Variants in NPLOC4 observed in about 807,000 individuals in gnomAD.
NPLOC4 encodes the protein nuclear protein localization protein 4 homolog.
NPLOC4 carries 18 observed loss-of-function variants against 80.6 expected under a neutral mutation model. The observed-to-expected ratio is 0.22, with a 90% CI of 0.15 to 0.33. NPLOC4 has a LOEUF of 0.33. NPLOC4 is among the 10% of genes least tolerant of loss of function. The probability of loss-of-function intolerance (pLI) is 1.00; values close to 1 mark genes in which losing one functional copy is unlikely to be tolerated. For missense variants in NPLOC4, 540 were observed against 786.1 expected (o/e 0.69, Z 3.74); for synonymous variants, 313 against 301.5 (o/e 1.04, Z -0.39).
chr17:81,601,867 C>G (rs1240519553), intron 8 of NPLOC4, among the ~76,000 whole-genome samples: 1 of 152,206 alleles, frequency 6.6e-6, no homozygotes, highest in Non-Finnish European at 1.5e-5. Flanking sequence ...TGTACACCAG[C>G]TGTTACCCAT....
intron 12 of NPLOC4, among the ~76,000 whole-genome samples, chr17:81,587,674 GTTTT>G (rs34643456): frequency 2.1e-5 from 2 of 93,418 alleles, no homozygotes; most frequent in Non-Finnish European, 3.8e-5. Context: ...GAAAAAAGTT[GTTTT>G]TTTTTTTTTT....
At chr17:81,591,716 G>A (rs2034750098) in intron 11 of NPLOC4, among the ~76,000 whole-genome samples, 3 of 152,296 alleles carry the variant, frequency 2.0e-5, no homozygotes, top group Admixed American at 2.0e-4. Context: ...AACCCTGCCG[G>A]AATGGCTGGC....
At chr17:81,561,084 A>C (rs1240534730) in intron 16 of NPLOC4, among the ~76,000 whole-genome samples, 1 of 152,000 alleles carries the variant, frequency 6.6e-6, no homozygotes. Flanking sequence ...CAGCCTCCCA[A>C]GTAGCTAGGA....
intron 8 of NPLOC4, among the ~76,000 whole-genome samples, chr17:81,601,907 G>T (rs2035065320): frequency 6.6e-6 from 1 of 152,158 alleles, no homozygotes. Flanking sequence ...ACTCTGATCA[G>T]CAAACTCTGA....
At chr17:81,601,544 A>G (rs2035056416) in intron 8 of NPLOC4, among the ~76,000 whole-genome samples, 1 of 152,190 alleles carries the variant, frequency 6.6e-6, no homozygotes, top group South Asian at 2.1e-4. Flanking sequence ...GATGTGAGCC[A>G]CCACGGCTGG....
chr17:81,623,731 G>A (rs1674993890), intron 2 of NPLOC4, among the ~76,000 whole-genome samples: 1 of 151,576 alleles, frequency 6.6e-6, no homozygotes, highest in Non-Finnish European at 1.5e-5. Flanking sequence ...CCGGGAGGCG[G>A]AGCTTGCAGT....
At chr17:81,586,312 G>C (rs1165483030) in intron 12 of NPLOC4, among the ~76,000 whole-genome samples, 1 of 151,926 alleles carries the variant, frequency 6.6e-6, no homozygotes, top group Admixed American at 6.6e-5. Flanking sequence ...TTTGCAGCTG[G>C]GTGTGGTGTA....
intron 4 of NPLOC4, among the ~76,000 whole-genome samples, chr17:81,611,181 G>A (rs1262844422): frequency 1.3e-5 from 2 of 151,872 alleles, no homozygotes; most frequent in African/African-American, 2.4e-5. Context: ...TTAGCCGGAC[G>A]TGGTGGCAAG....
At position 81,585,666 on chromosome 17, in the gene NPLOC4, G is replaced by C. The variant is rs1015756099; in HGVS notation, c.1281+3278C>G. 4.0e-4 allele frequency among the ~76,000 whole-genome samples: 58 copies of C among 146,612 alleles called. 2 individuals are homozygous for C. Among genetic ancestry groups the C allele is most frequent in the African/African-American group, 1.3e-3 (50 of 39,480 alleles). ...ACAGAGGAAGACTCCATTTCTGGGG[G>C]GGGGGGGAAAGAAAGAAATCAGAGG... On this transcript the variant is annotated intron_variant, in intron 12 of 16. Coordinates refer to ENST00000331134, the MANE Select transcript of NPLOC4 (RefSeq NM_017921.4).
intron 13 of NPLOC4, 87 bp downstream of exon 13, chr17:81,571,930 C>T: frequency 1.1e-6 from 1 of 944,990 alleles, no homozygotes; most frequent in Non-Finnish European, 1.5e-6. Context: ...TTGCAGCCTC[C>T]TCCCTTGAGC....
chr17:81,563,436 G>A (rs1298605533), intron 16 of NPLOC4: 1 of 152,200 alleles, frequency 6.6e-6, no homozygotes, highest in Non-Finnish European at 1.5e-5. Context: ...TGGGTGTAGT[G>A]GCTCATGTTT....
chr17:81,621,380 A>G (rs1183386446), intron 3 of NPLOC4, among the ~76,000 whole-genome samples: 2 of 152,262 alleles, frequency 1.3e-5, no homozygotes, highest in Non-Finnish European at 2.9e-5. Context: ...CCAGCCCATC[A>G]TTCTGGCTGG....
rs1184397932 is a variant in NPLOC4, at chr17:81,572,947, G to A, written c.1282-859C>T. Among the ~76,000 whole-genome samples, 1 of 152,180 alleles carries A rather than the reference G, an allele frequency of 6.6e-6. No individual in the cohort carries two copies. Among genetic ancestry groups the A allele is most frequent in the Non-Finnish European group, 1.5e-5 (1 of 68,022 alleles). On this transcript the variant is annotated intron_variant, in intron 12 of 16. Coordinates refer to ENST00000331134, the MANE Select transcript of NPLOC4 (RefSeq NM_017921.4). This position sits in a 1 kb window ranked among gnomAD's most constrained non-coding sequence, Gnocchi z 4.5. ...GGGAACCCCACACCAATCTGTCAAAGTCTCAACTTGTTTTGCTTTGTCAGA... is the reference window on the plus strand; with the variant it reads ...GGGAACCCCACACCAATCTGTCAAAATCTCAACTTGTTTTGCTTTGTCAGA...
At chr17:81,619,792 T>G (rs1375094078) in intron 3 of NPLOC4, among the ~76,000 whole-genome samples, 1 of 148,818 alleles carries the variant, frequency 6.7e-6, no homozygotes, top group Admixed American at 6.7e-5. Context: ...GGCAGGAGAA[T>G]CGCTTGAACC....
At chr17:81,618,882 A>G in intron 3 of NPLOC4, among the ~76,000 whole-genome samples, 1 of 152,100 alleles carries the variant, frequency 6.6e-6, no homozygotes, top group Non-Finnish European at 1.5e-5. Context: ...CTGCCTTGGG[A>G]TCCTGTTGAT....
At chr17:81,568,601 C>G (rs184541340) in intron 14 of NPLOC4, among the ~76,000 whole-genome samples, 8 of 152,286 alleles carry the variant, frequency 5.3e-5, no homozygotes, top group Admixed American at 2.6e-4. Context: ...ACGGGAGCCA[C>G]GCTAAGCAGC....
chr17:81,565,068 A>G (rs759514610), intron 16 of NPLOC4: 14 of 549,058 alleles, frequency 2.5e-5, no homozygotes, highest in Non-Finnish European at 3.9e-5. Context: ...TCCGTTCCGT[A>G]GTGTCCACCA....
Position 81,571,830 on chromosome 17 carries a change from T to G in NPLOC4, c.1353+187A>C, listed in dbSNP as rs113739992. ...AAAAGCCCTTAAAACTGTGAGCATT[T>G]CAGCAACACCGCATGCTCAGTGATT... On this transcript the variant is annotated intron_variant, in intron 13 of 16. Transcript: ENST00000331134. 3.6e-3 allele frequency among the ~76,000 whole-genome samples: 554 copies of G among 152,258 alleles called. 1 individual carries two copies. The highest frequency in any genetic ancestry group is 5.8e-3 in the Non-Finnish European group (392 of 68,010).
chr17:81,622,079 G>GA, intron 3 of NPLOC4, 87 bp downstream of exon 3: 1 of 883,362 alleles, frequency 1.1e-6, no homozygotes, highest in Non-Finnish European at 1.9e-6. Flanking sequence ...GTGTGATGAG[G>GA]AAAGAGGATA....
Sources: gnomAD v4.1 joint callset for allele counts (sites outside exome capture counted in the v4.1 genomes callset) on GRCh38, gnomAD v4.1.1 for gene constraint, Gnocchi (gnomAD v3.1) non-coding constraint, MANE v1.5 for transcripts, NCBI Gene and HGNC (gene_info 2026-07-23, HGNC 2026-07-21) for gene names.